BCL11A: variants seen among roughly 807,000 people sequenced by gnomAD.
BCL11A encodes the protein B cell CLL/lymphoma 11A.
A neutral mutation model predicts 55.9 loss-of-function variants in BCL11A; 2 were observed. That is an observed-to-expected ratio of 0.04 (90% confidence interval 0.01 to 0.11). BCL11A has a LOEUF of 0.11. BCL11A is among the 10% of genes least tolerant of loss of function. The pLI, the probability that BCL11A is intolerant of heterozygous loss-of-function variation, is 1.00. For synonymous variants in BCL11A, 465 were observed against 473.4 expected (o/e 0.98, Z 0.23); for missense variants, 817 against 1,137.1 (o/e 0.72, Z 4.05).
intron 2 of BCL11A, among the ~76,000 whole-genome samples, chr2:60,476,312 A>G (rs1677596694): frequency 6.6e-6 from 1 of 152,240 alleles, no homozygotes; most frequent in Non-Finnish European, 1.5e-5. Context: ...TCCTGAGCCA[A>G]TGAGACTGAA....
Position 60,546,367 on chromosome 2 carries a change from T to C in BCL11A, c.56-67A>G, listed in dbSNP as rs543251449. On this transcript the variant is annotated intron_variant, in intron 1 of 3. Coordinates refer to ENST00000642384, the MANE Select transcript of BCL11A (RefSeq NM_022893.4). This position sits in a 1 kb window ranked among gnomAD's most constrained non-coding sequence, Gnocchi z 4.1. The stretch of plus-strand genomic sequence containing the variant: ...AGAGGACAGAAAGGGGAGAAGCACA[T>C]CTCAACCCCATGCCATCCCACCACA... 104 of 1,356,896 alleles carry C rather than the reference T, an allele frequency of 7.7e-5. No individual in the cohort carries two copies. The African/African-American group carries it at 1.4e-3, about 18-fold the overall frequency. The allele number at this position is 1,356,896 out of a possible 1,614,324, so 84.1% of individuals were successfully genotyped here.
intron 2 of BCL11A, among the ~76,000 whole-genome samples, chr2:60,505,827 C>T (rs767286514): frequency 2.0e-5 from 3 of 152,204 alleles, no homozygotes; most frequent in Non-Finnish European, 4.4e-5. Context: ...TTACAGATAT[C>T]TCTGAGAACA....
chr2:60,477,108 A>G (rs1248045525), intron 2 of BCL11A, among the ~76,000 whole-genome samples: 1 of 152,208 alleles, frequency 6.6e-6, no homozygotes, highest in Admixed American at 6.5e-5. Context: ...GACACCTGGA[A>G]AGCCTTGCAA....
At chr2:60,529,987 G>A (rs984329531) in intron 2 of BCL11A, among the ~76,000 whole-genome samples, 9 of 152,198 alleles carry the variant, frequency 5.9e-5, no homozygotes, top group African/African-American at 1.9e-4. Context: ...CTTGTGGCAG[G>A]AGGGCAAAGA....
At chr2:60,479,296 C>A (rs1022896311) in intron 2 of BCL11A, among the ~76,000 whole-genome samples, 8 of 152,242 alleles carry the variant, frequency 5.3e-5, no homozygotes, top group African/African-American at 1.9e-4. Flanking sequence ...CTGGCCTCTG[C>A]GGGCACAGCG....
intron 2 of BCL11A, among the ~76,000 whole-genome samples, chr2:60,486,632 T>C (rs373248952): frequency 7.9e-5 from 12 of 152,348 alleles, no homozygotes; most frequent in African/African-American, 2.6e-4. Context: ...ATGAGCAGCA[T>C]GATGGATTAG....
chr2:60,468,709 A>G (rs1677028430), intron 3 of BCL11A, 23 bp downstream of exon 3: 1 of 1,555,838 alleles, frequency 6.4e-7, no homozygotes, highest in Non-Finnish European at 8.9e-7. Flanking sequence ...GGACATTTGT[A>G]GAAGAAATAA....
chr2:60,520,314 C>T (rs1399367247), intron 2 of BCL11A, among the ~76,000 whole-genome samples: 1 of 151,142 alleles, frequency 6.6e-6, no homozygotes, highest in Non-Finnish European at 1.5e-5. Context: ...AAACATTTCA[C>T]TTTTTTTTTC....
At chr2:60,467,837 G>A (rs1228211320) in intron 3 of BCL11A, among the ~76,000 whole-genome samples, 4 of 115,794 alleles carry the variant, frequency 3.5e-5, no homozygotes, top group African/African-American at 1.3e-4. Flanking sequence ...GATGGTGGTG[G>A]TGGTGGTGAT....
intron 2 of BCL11A, among the ~76,000 whole-genome samples, chr2:60,492,468 C>T (rs1292789512): frequency 1.3e-5 from 2 of 152,180 alleles, no homozygotes; most frequent in African/African-American, 4.8e-5. Context: ...ACTCCCTCCC[C>T]TTTTTACTTT....
intron 2 of BCL11A, among the ~76,000 whole-genome samples, chr2:60,502,458 C>G (rs903618221): frequency 1.3e-5 from 2 of 152,182 alleles, no homozygotes; most frequent in Non-Finnish European, 2.9e-5. Context: ...GGGGGTTTCT[C>G]GCTAGCACAG....
intron 1 of BCL11A, among the ~76,000 whole-genome samples, chr2:60,551,991 T>A (rs1455630478): frequency 6.6e-6 from 1 of 152,112 alleles, no homozygotes; most frequent in African/African-American, 2.4e-5. Flanking sequence ...TTCCACTTTT[T>A]TTGAAAATCT....
chr2:60,504,985 AAGG>A (rs1679493555), intron 2 of BCL11A, among the ~76,000 whole-genome samples: 1 of 152,132 alleles, frequency 6.6e-6, no homozygotes, highest in Admixed American at 6.5e-5. Context: ...CCAGAAGTAT[AAGG>A]AGTTCTGGAT....
rs371309905 is a variant in BCL11A, at chr2:60,461,495, C to T, written c.1417G>A (p.Glu473Lys). ...LKSVVAKFKSENDPNLIPENG... is the reference protein window; with the variant it reads ...LKSVVAKFKSKNDPNLIPENG... ...TCCGGGATCAGGTTGGGGTCGTTCT[C>T]GCTCTTGAACTTGGCCACCACGGAC... The change falls in exon 4 of 4, where the codon GAG becomes AAG. Residue 473 changes from glutamate (E) to lysine (K), a missense_variant. Glu to Lys is a moderately conservative substitution (Grantham distance 56). Transcript: ENST00000642384. 3.4e-5 allele frequency: 55 copies of T among 1,605,452 alleles called. No individual in the cohort carries two copies. Among genetic ancestry groups the T allele is most frequent in the Non-Finnish European group, 4.6e-5 (54 of 1,179,876 alleles).
intron 2 of BCL11A, among the ~76,000 whole-genome samples, chr2:60,474,802 C>T (rs1377871154): frequency 6.6e-6 from 1 of 152,222 alleles, no homozygotes; most frequent in Admixed American, 6.5e-5. Flanking sequence ...AAGCAATGGG[C>T]TAGCCGCTGT....
intron 2 of BCL11A, among the ~76,000 whole-genome samples, chr2:60,473,468 G>T (rs1677330564): frequency 6.6e-6 from 1 of 152,024 alleles, no homozygotes; most frequent in Non-Finnish European, 1.5e-5. Flanking sequence ...GCTCTTCCAT[G>T]TACCACCTTC....
chr2:60,467,105 G>GTGT (rs1676668601), intron 3 of BCL11A, among the ~76,000 whole-genome samples: 1 of 146,842 alleles, frequency 6.8e-6, no homozygotes, highest in Non-Finnish European at 1.5e-5. Flanking sequence ...GATGATGGTG[G>GTGT]TGGTAGTGGT....
intron 2 of BCL11A, chr2:60,534,085 C>T (rs1656399948): frequency 6.6e-6 from 1 of 152,198 alleles, no homozygotes; most frequent in South Asian, 2.1e-4. Flanking sequence ...TAATACAGCA[C>T]AGGTTATTCA....
chr2:60,549,530 G>A (rs1297787753), intron 1 of BCL11A, among the ~76,000 whole-genome samples: 1 of 152,214 alleles, frequency 6.6e-6, no homozygotes, highest in African/African-American at 2.4e-5. Context: ...GTTGGGCGCG[G>A]GGACTCTGAG....
Sources: gnomAD v4.1 joint callset for allele counts (sites outside exome capture counted in the v4.1 genomes callset) on GRCh38, gnomAD v4.1.1 for gene constraint, Gnocchi (gnomAD v3.1) non-coding constraint, MANE v1.5 for transcripts, NCBI Gene and HGNC (gene_info 2026-07-23, HGNC 2026-07-21) for gene names.